The following FBN1 variants were observed in gnomAD, a reference collection of about 807,000 sequenced individuals.
The protein encoded by FBN1 is fibrillin 1.
FBN1 carries 29 observed loss-of-function variants against 365.1 expected under a neutral mutation model. The observed-to-expected ratio is 0.08, with a 90% CI of 0.06 to 0.11. FBN1 has a LOEUF of 0.11. Ranked by LOEUF, FBN1 falls within the 10% of genes least tolerant of loss-of-function variation. The pLI, the probability that FBN1 is intolerant of heterozygous loss-of-function variation, is 1.00. For missense variants in FBN1, 2,476 were observed against 3,703.2 expected (o/e 0.67, Z 8.60); for synonymous variants, 1,210 against 1,270.5 (o/e 0.95, Z 1.01).
chr15:48,420,255 C>T (rs1367892502), intron 63 of FBN1, among the ~76,000 whole-genome samples: 1 of 152,184 alleles, frequency 6.6e-6, no homozygotes, highest in Non-Finnish European at 1.5e-5. Flanking sequence ...TTCCTGCTTG[C>T]GCTCTGTCTC....
At chr15:48,445,143 C>CATATATAT (rs2043144514) in intron 48 of FBN1, among the ~76,000 whole-genome samples, 2 of 139,324 alleles carry the variant, frequency 1.4e-5, no homozygotes, top group African/African-American at 5.2e-5. Flanking sequence ...TATACACACA[C>CATATATAT]ACATATATAT....
At chr15:48,585,209 A>G (rs1253839207) in intron 6 of FBN1, among the ~76,000 whole-genome samples, 1 of 152,218 alleles carries the variant, frequency 6.6e-6, no homozygotes, top group Non-Finnish European at 1.5e-5. Flanking sequence ...CTCCTAGGAG[A>G]GGGCAGGCAA....
chr15:48,496,427 A>T (rs1213180110), intron 19 of FBN1, among the ~76,000 whole-genome samples: 1 of 152,192 alleles, frequency 6.6e-6, no homozygotes, highest in Non-Finnish European at 1.5e-5. Flanking sequence ...CTAAGTATCT[A>T]AACTAAATAT....
chr15:48,425,261 C>T, intron 60 of FBN1, 108 bp downstream of exon 60: 1 of 1,490,780 alleles, frequency 6.7e-7, no homozygotes, highest in African/African-American at 1.4e-5. Flanking sequence ...GGAAGCACCT[C>T]CTGCCTGTAG....
chr15:48,478,546 C>T (rs903675100), intron 32 of FBN1, among the ~76,000 whole-genome samples: 1 of 150,812 alleles, frequency 6.6e-6, no homozygotes, highest in Admixed American at 6.6e-5. Flanking sequence ...TTGTGAAAGC[C>T]AGGACCACCC....
intron 63 of FBN1, among the ~76,000 whole-genome samples, chr15:48,418,972 T>C (rs1330155416): frequency 6.6e-6 from 1 of 152,208 alleles, no homozygotes; most frequent in Non-Finnish European, 1.5e-5. Context: ...AATTTACTTC[T>C]AGAAAGCAAT....
chr15:48,561,701 A>G (rs1020892568), intron 6 of FBN1, among the ~76,000 whole-genome samples: 6 of 152,216 alleles, frequency 3.9e-5, no homozygotes, highest in African/African-American at 1.4e-4. Context: ...CTACTCTCAG[A>G]CTATGGAAAA....
In FBN1 at chr15:48,497,747, C is replaced by G. The variant is rs980767909; in HGVS notation, c.2168-356G>C. Reference sequence around the variant, plus strand: ...CGACAACTGGTCTCCCTACCACCAGCCCCTCTTTCTTCCATCTACCCTGCA... The same window carrying G: ...CGACAACTGGTCTCCCTACCACCAGGCCCTCTTTCTTCCATCTACCCTGCA... On this transcript the variant is annotated intron_variant, in intron 18 of 65. Coordinates refer to ENST00000316623, the MANE Select transcript of FBN1 (RefSeq NM_000138.5). Among the ~76,000 whole-genome samples the G allele has an allele frequency of 3.9e-5, 6 of 152,316 alleles. No individual in the cohort carries two copies. In the South Asian group the frequency reaches 6.2e-4, roughly 16 times the overall value.
At chr15:48,527,257 G>A (rs980126482) in intron 8 of FBN1, among the ~76,000 whole-genome samples, 1 of 152,238 alleles carries the variant, frequency 6.6e-6, no homozygotes, top group African/African-American at 2.4e-5. Flanking sequence ...CATCAAGGAA[G>A]CAGTAAAATT....
chr15:48,533,288 A>G lies in FBN1; in HGVS notation c.862+792T>C, dbSNP rs148358443. On this transcript the variant is annotated intron_variant, in intron 8 of 65. Coordinates refer to ENST00000316623, the MANE Select transcript of FBN1 (RefSeq NM_000138.5). Reference sequence around the variant, plus strand: ...GATCTTGATGAGAGATGTAGCCCTGAGAATGCTGTTACACTATTGTTGGAC... The same window carrying G: ...GATCTTGATGAGAGATGTAGCCCTGGGAATGCTGTTACACTATTGTTGGAC... 1.8e-4 allele frequency among the ~76,000 whole-genome samples: 28 copies of G among 152,340 alleles called. 1 individual carries two copies. In the East Asian group the frequency reaches 5.4e-3, roughly 29 times the overall value.
intron 43 of FBN1, among the ~76,000 whole-genome samples, chr15:48,459,306 G>C (rs888905432): frequency 2.0e-5 from 3 of 152,202 alleles, no homozygotes; most frequent in African/African-American, 7.2e-5. Flanking sequence ...AGGGCCAGGT[G>C]TTCCATGCCA....
Position 48,465,609 on chromosome 15 carries a change from G to A in FBN1, c.4901C>T (p.Pro1634Leu), listed in dbSNP as rs1373441031. Reference protein sequence around the residue: ...NTFGSFQCRCPTGYYLNEDTR... With the variant: ...NTFGSFQCRCLTGYYLNEDTR... ...ATCTTCATTCAGGTAGTAGCCGGTT[G>A]GACAGCGGCACTGGAAACTCCCAAA... is the stretch of plus-strand genomic sequence containing the variant. The change falls in exon 40 of 66, where the codon CCA becomes CTA. Residue 1634 changes from proline to leucine, a missense_variant. Coordinates refer to ENST00000316623, the MANE Select transcript of FBN1 (RefSeq NM_000138.5). 6.2e-7 allele frequency: 1 copy of A among 1,614,070 alleles called. No homozygotes were observed. The highest frequency in any genetic ancestry group is 8.5e-7 in the Non-Finnish European group (1 of 1,179,962).
intron 6 of FBN1, among the ~76,000 whole-genome samples, chr15:48,592,472 T>TTGTA (rs2044484991): frequency 6.6e-6 from 1 of 152,166 alleles, no homozygotes; most frequent in South Asian, 2.1e-4. Flanking sequence ...TACGACTAGC[T>TTGTA]TGTATTGTCA....
At chr15:48,557,137 GA>G (rs2044187806) in intron 6 of FBN1, among the ~76,000 whole-genome samples, 1 of 152,172 alleles carries the variant, frequency 6.6e-6, no homozygotes, top group Non-Finnish European at 1.5e-5. Flanking sequence ...TAGATGAAAA[GA>G]AAAGCACTTA....
chr15:48,601,598 A>C (rs948672423), intron 4 of FBN1, among the ~76,000 whole-genome samples: 1 of 152,226 alleles, frequency 6.6e-6, no homozygotes, highest in African/African-American at 2.4e-5. Flanking sequence ...CAGAGCAAAT[A>C]GAAGATTCCT....
intron 60 of FBN1, 76 bp downstream of exon 60, chr15:48,425,293 G>A: frequency 6.2e-7 from 1 of 1,601,724 alleles, no homozygotes; most frequent in Non-Finnish European, 8.6e-7. Context: ...CGGCTTGCCT[G>A]TGGAGTTCTT....
At chr15:48,617,599 C>T (rs1036302834) in intron 2 of FBN1, among the ~76,000 whole-genome samples, 1 of 152,212 alleles carries the variant, frequency 6.6e-6, no homozygotes, top group African/African-American at 2.4e-5. Context: ...TGTAACTTCT[C>T]TTACCAGTTA....
intron 2 of FBN1, among the ~76,000 whole-genome samples, chr15:48,614,403 C>G (rs575113791): frequency 1.3e-5 from 2 of 152,174 alleles, no homozygotes; most frequent in Non-Finnish European, 2.9e-5. Context: ...ATGTAGACCA[C>G]GTGAAACAGT....
intron 56 of FBN1, 78 bp downstream of exon 56, chr15:48,430,593 A>C: frequency 6.4e-7 from 1 of 1,560,618 alleles, no homozygotes. Context: ...CAGTATCCCA[A>C]GAACTCAGAG....
Sources: gnomAD v4.1 joint callset for allele counts (sites outside exome capture counted in the v4.1 genomes callset) on GRCh38, gnomAD v4.1.1 for gene constraint, MANE v1.5 for transcripts, NCBI Gene and HGNC (gene_info 2026-07-23, HGNC 2026-07-21) for gene names.